The following CYB5R4 variants were observed in gnomAD, a reference collection of about 807,000 sequenced individuals.
The protein encoded by CYB5R4 is cytochrome b5 reductase 4.
A neutral mutation model predicts 70.2 loss-of-function variants in CYB5R4; 55 were observed. The ratio of observed to expected loss-of-function variants is 0.78; its 90% confidence interval spans 0.63 to 0.98. The LOEUF (loss-of-function observed/expected upper bound fraction) is 0.98. Among genes scored for constraint, CYB5R4 ranks in the 50% least tolerant of loss-of-function variants. The probability of loss-of-function intolerance (pLI) is 0.00; values close to 1 mark genes in which losing one functional copy is unlikely to be tolerated. For missense variants in CYB5R4, 562 were observed against 612.6 expected (o/e 0.92, Z 0.87); for synonymous variants, 197 against 199.5 (o/e 0.99, Z 0.11).
intron 14 of CYB5R4, among the ~76,000 whole-genome samples, chr6:83,944,452 G>C (rs1588584786): frequency 6.6e-6 from 1 of 152,072 alleles, no homozygotes; most frequent in Non-Finnish European, 1.5e-5. Context: ...ATATGAAAAA[G>C]AAAAACTGGT....
chr6:83,938,542 T>C (rs537064427), intron 12 of CYB5R4, among the ~76,000 whole-genome samples: 2 of 152,362 alleles, frequency 1.3e-5, no homozygotes, highest in African/African-American at 4.8e-5. Context: ...GGAAACAAGA[T>C]ATCCTCAATG....
chr6:83,864,367 T>C (rs201235676), intron 2 of CYB5R4, 39 bp downstream of exon 2: 4 of 1,565,642 alleles, frequency 2.6e-6, no homozygotes, highest in Non-Finnish European at 3.5e-6. Flanking sequence ...AAATGTTGCC[T>C]GAACTTTCCA....
chr6:83,887,285 A>G (rs931692347), intron 2 of CYB5R4, among the ~76,000 whole-genome samples: 9 of 152,184 alleles, frequency 5.9e-5, no homozygotes, highest in African/African-American at 2.2e-4. Context: ...GGATGAGGCT[A>G]AAAATTGCCT....
chr6:83,890,035 T>A (rs759627489), intron 2 of CYB5R4, among the ~76,000 whole-genome samples: 1 of 152,130 alleles, frequency 6.6e-6, no homozygotes, highest in Non-Finnish European at 1.5e-5. Context: ...GGGACAGATA[T>A]ACAAACTATA....
chr6:83,939,219 A>G (rs1254015746), intron 12 of CYB5R4, among the ~76,000 whole-genome samples: 1 of 152,206 alleles, frequency 6.6e-6, no homozygotes, highest in East Asian at 1.9e-4. Context: ...TGAGCATCCA[A>G]GCATTTTAAA....
intron 14 of CYB5R4, among the ~76,000 whole-genome samples, chr6:83,944,908 G>A (rs565522242): frequency 6.6e-6 from 1 of 152,266 alleles, no homozygotes; most frequent in East Asian, 1.9e-4. Context: ...ACCCAATACA[G>A]GAGCACCCAG....
chr6:83,888,408 C>T (rs2099460583), intron 2 of CYB5R4, among the ~76,000 whole-genome samples: 1 of 152,088 alleles, frequency 6.6e-6, no homozygotes, highest in Admixed American at 6.6e-5. Flanking sequence ...CACCATTTTC[C>T]CAAGAGCATG....
rs987839933 is a variant in CYB5R4, at chr6:83,947,591, C to G, written c.1346+6990C>G. 5.3e-5 allele frequency among the ~76,000 whole-genome samples: 8 copies of G among 152,098 alleles called. No individual in the cohort carries two copies. In the East Asian group the frequency reaches 1.5e-3, roughly 29 times the overall value. ...GCTTCTGTATAGCAAAATAAATTAT[C>G]GTCAGAGTGAACAGGCAACCTACAG... is the stretch of plus-strand genomic sequence containing the variant. On this transcript the variant is annotated intron_variant, in intron 14 of 15. Transcript: ENST00000369681.
At position 83,904,336 on chromosome 6, in the gene CYB5R4, T is replaced by A. The variant is rs375610902; in HGVS notation, c.331-4673T>A. The stretch of plus-strand genomic sequence containing the variant: ...GAGCATGTTGTTTAATTTCCATGTA[T>A]TTGTATGGTTTTGAAAGTTCCTGTT... On this transcript the variant is annotated intron_variant, in intron 3 of 15. Transcript: ENST00000369681. Among the ~76,000 whole-genome samples the A allele has an allele frequency of 6.6e-5, 10 of 152,320 alleles. No homozygotes were observed. The East Asian group carries it at 1.9e-3, about 29-fold the overall frequency.
chr6:83,956,382 C>T lies in CYB5R4; in HGVS notation c.1511+920C>T, dbSNP rs1439628057. 3.3e-5 allele frequency among the ~76,000 whole-genome samples: 5 copies of T among 152,044 alleles called. No individual in the cohort carries two copies. The East Asian group carries it at 5.8e-4, about 18-fold the overall frequency. On this transcript the variant is annotated intron_variant, in intron 15 of 15. Transcript: ENST00000369681. ...ACTCAAAGCTGGATTGGGGGGGGCA[C>T]GGGTTTCCAGGCTCTAGGTAAGTTT...
At chr6:83,959,346 C>T (rs975229904) in intron 15 of CYB5R4, among the ~76,000 whole-genome samples, 15 of 152,020 alleles carry the variant, frequency 9.9e-5, no homozygotes, top group Non-Finnish European at 2.1e-4. Flanking sequence ...CCTCTAGATC[C>T]ATATATTAAG....
intron 2 of CYB5R4, among the ~76,000 whole-genome samples, chr6:83,881,589 T>C (rs1393534853): frequency 6.6e-6 from 1 of 152,244 alleles, no homozygotes; most frequent in African/African-American, 2.4e-5. Context: ...TTGTTTTTTA[T>C]GGAAGTTCCT....
At position 83,962,506 on chromosome 6, in the gene CYB5R4, TATTA is replaced by T. The variant is rs2099473492; in HGVS notation, c.*2632_*2635del. On this transcript the variant is annotated 3_prime_UTR_variant, in exon 16 of 16. Coordinates refer to ENST00000369681, the MANE Select transcript of CYB5R4 (RefSeq NM_016230.4). ...ATTCTGCTTTTTTTAAAAAAAAGTT[TATTA>T]ATTTTCTATTGCTGCTAGATCAAAT... 6.6e-6 allele frequency: 1 copy of T among 152,254 alleles called. No individual in the cohort carries two copies. The allele number at this position is 152,254 out of a possible 1,614,324, so 9.4% of individuals were successfully genotyped here. A position where few individuals can be genotyped will look rare whatever the true frequency, so the allele number is the denominator to read the frequency against.
intron 14 of CYB5R4, among the ~76,000 whole-genome samples, chr6:83,949,647 T>C (rs894376704): frequency 1.3e-5 from 2 of 152,180 alleles, no homozygotes; most frequent in South Asian, 4.1e-4. Context: ...AGGAGAGGGA[T>C]AGGAATTATG....
chr6:83,900,453 G>C (rs1461739926), intron 3 of CYB5R4, among the ~76,000 whole-genome samples: 1 of 152,116 alleles, frequency 6.6e-6, no homozygotes, highest in Non-Finnish European at 1.5e-5. Context: ...GTTGATTTGG[G>C]GTGGAGAGTT....
intron 2 of CYB5R4, among the ~76,000 whole-genome samples, chr6:83,884,745 T>A (rs1016627908): frequency 1.3e-5 from 2 of 152,162 alleles, no homozygotes; most frequent in Non-Finnish European, 2.9e-5. Flanking sequence ...TTTCTCCTCG[T>A]TTATTTTATA....
chr6:83,900,729 C>T (rs2129135986), intron 3 of CYB5R4, among the ~76,000 whole-genome samples: 1 of 152,254 alleles, frequency 6.6e-6, no homozygotes, highest in East Asian at 1.9e-4. Flanking sequence ...TAATGGCCTT[C>T]TTTGTCTCTT....
rs192582794 is a variant in CYB5R4, at chr6:83,951,744, A to T, written c.1347-3554A>T. On this transcript the variant is annotated intron_variant, in intron 14 of 15. Transcript: ENST00000369681. Reference sequence around the variant, plus strand: ...TTGTGAATAGTGCTGCAATAAACATACATGTGCATGTGTCTTTATAGTAGA... The same window carrying T: ...TTGTGAATAGTGCTGCAATAAACATTCATGTGCATGTGTCTTTATAGTAGA... Among the ~76,000 whole-genome samples the T allele has an allele frequency of 3.9e-5, 6 of 152,318 alleles. No individual in the cohort carries two copies. In the East Asian group the frequency reaches 1.2e-3, roughly 29 times the overall value.
At chr6:83,901,184 GC>G (rs1312908366) in intron 3 of CYB5R4, among the ~76,000 whole-genome samples, 1 of 152,160 alleles carries the variant, frequency 6.6e-6, no homozygotes, top group Non-Finnish European at 1.5e-5. Context: ...CTCAGCATTT[GC>G]TTGTCTGTAA....
Sources: gnomAD v4.1 joint callset for allele counts (sites outside exome capture counted in the v4.1 genomes callset) on GRCh38, gnomAD v4.1.1 for gene constraint, MANE v1.5 for transcripts, NCBI Gene and HGNC (gene_info 2026-07-23, HGNC 2026-07-21) for gene names.